The following LRRIQ3 variants were observed in gnomAD, a reference collection of about 807,000 sequenced individuals.
The protein encoded by LRRIQ3 is leucine rich repeats and IQ motif containing 3.
A neutral mutation model predicts 59.3 loss-of-function variants in LRRIQ3; 75 were observed. The observed-to-expected ratio is 1.26, with a 90% CI of 1.05 to 1.53. The LOEUF (loss-of-function observed/expected upper bound fraction) is 1.53, where lower values mean the gene tolerates loss of function less well. Ranked by LOEUF, LRRIQ3 falls within the 40% of genes most tolerant of loss-of-function variation. The pLI, the probability that LRRIQ3 is intolerant of heterozygous loss-of-function variation, is 0.00. For missense variants in LRRIQ3, 831 were observed against 710.0 expected, an observed-to-expected ratio of 1.17 and a Z score of -1.94; for synonymous variants, 250 against 231.3, an observed-to-expected ratio of 1.08 and a Z score of -0.73.
intron 5 of LRRIQ3, among the ~76,000 whole-genome samples, chr1:74,079,094 C>T (rs964871100): frequency 1.3e-5 from 2 of 151,880 alleles, no homozygotes; most frequent in African/African-American, 4.8e-5. Flanking sequence ...TTATTGGACT[C>T]TGCCTTCACC....
At chr1:74,100,640 C>T (rs1646516512) in intron 5 of LRRIQ3, among the ~76,000 whole-genome samples, 1 of 152,154 alleles carries the variant, frequency 6.6e-6, no homozygotes, top group Admixed American at 6.5e-5. Context: ...AGGCATCATG[C>T]TACCTGACTT....
At chr1:74,168,462 T>G (rs976248650) in intron 3 of LRRIQ3, among the ~76,000 whole-genome samples, 1 of 152,120 alleles carries the variant, frequency 6.6e-6, no homozygotes, top group Non-Finnish European at 1.5e-5. Flanking sequence ...ATTTTCAATT[T>G]GCCTATAACA....
intron 7 of LRRIQ3, among the ~76,000 whole-genome samples, chr1:74,030,343 C>T (rs909904511): frequency 7.9e-5 from 12 of 152,110 alleles, no homozygotes; most frequent in African/African-American, 2.9e-4. Context: ...AGGCATCATG[C>T]TACCTGACTT....
intron 6 of LRRIQ3, among the ~76,000 whole-genome samples, chr1:74,060,116 G>T (rs1033905060): frequency 1.3e-5 from 2 of 151,770 alleles, no homozygotes; most frequent in Admixed American, 1.3e-4. Context: ...TTGTGGTAAT[G>T]TCCCCTGTTT....
intron 3 of LRRIQ3, chr1:74,179,928 C>T (rs1056480815): frequency 2.0e-5 from 3 of 151,876 alleles, no homozygotes; most frequent in African/African-American, 7.2e-5. Context: ...AATCAAAACT[C>T]ATTTATCCTC....
chr1:74,095,290 T>C (rs939726269), intron 5 of LRRIQ3, among the ~76,000 whole-genome samples: 1 of 152,144 alleles, frequency 6.6e-6, no homozygotes, highest in Non-Finnish European at 1.5e-5. Context: ...ATGCACTGTC[T>C]ATCTCTTGAT....
At chr1:74,074,623 A>G in intron 6 of LRRIQ3, 38 bp downstream of exon 6, 1 of 957,064 alleles carries the variant, frequency 1.0e-6, no homozygotes. Flanking sequence ...TCATCAAAAT[A>G]TATTTATTAA....
intron 6 of LRRIQ3, among the ~76,000 whole-genome samples, chr1:74,046,143 T>G (rs1020885199): frequency 6.6e-6 from 1 of 152,162 alleles, no homozygotes; most frequent in African/African-American, 2.4e-5. Flanking sequence ...AGAGCCTGCA[T>G]AGCCAAGACA....
At chr1:74,154,243 A>C (rs1391840693) in intron 4 of LRRIQ3, among the ~76,000 whole-genome samples, 2 of 12,396 alleles carry the variant, frequency 1.6e-4, no homozygotes, top group African/African-American at 1.6e-4. Context: ...TCCTTCTCAA[A>C]AAAAAAAAAA....
intron 4 of LRRIQ3, among the ~76,000 whole-genome samples, chr1:74,117,251 T>C (rs1415214385): frequency 1.3e-5 from 2 of 152,130 alleles, no homozygotes; most frequent in Non-Finnish European, 2.9e-5. Flanking sequence ...ATTGGAAATA[T>C]TAACTTTCAA....
intron 4 of LRRIQ3, among the ~76,000 whole-genome samples, chr1:74,139,179 TA>T (rs1647187728): frequency 6.6e-6 from 1 of 150,640 alleles, no homozygotes; most frequent in Non-Finnish European, 1.5e-5. Flanking sequence ...TACATAAATG[TA>T]AAATGTTAGG....
chr1:74,103,247 G>C (rs1646559767), intron 5 of LRRIQ3, among the ~76,000 whole-genome samples: 1 of 151,806 alleles, frequency 6.6e-6, no homozygotes, highest in South Asian at 2.1e-4. Context: ...GATTTTTCTA[G>C]CTCTTCCCCA....
At position 74,041,478 on chromosome 1, in the gene LRRIQ3, G is replaced by T; in HGVS notation, c.1453C>A (p.Gln485Lys). 6.2e-7 allele frequency: 1 copy of T among 1,613,292 alleles called. No homozygotes were observed. The highest frequency in any genetic ancestry group is 8.5e-7 in the Non-Finnish European group (1 of 1,179,776). Residue 485 changes from glutamine (Q) to lysine (K), a missense_variant, in exon 7 of 8, where the codon CAA (glutamine) becomes AAA (lysine). Gln to Lys is a moderately conservative substitution (Grantham distance 53). Coordinates refer to ENST00000354431, the MANE Select transcript of LRRIQ3 (RefSeq NM_001105659.2). Reference protein sequence around the residue: ...NKETIQNSLRQVWQNRFNYLE... With the variant: ...NKETIQNSLRKVWQNRFNYLE... The stretch of plus-strand genomic sequence containing the variant: ...TAGTTGAATCTGTTTTGCCAAACTT[G>T]TCGTAAACTGTTCTGAATTGTCTCT...
chr1:74,062,759 A>G (rs1259453136), intron 6 of LRRIQ3, among the ~76,000 whole-genome samples: 2 of 152,082 alleles, frequency 1.3e-5, no homozygotes, highest in African/African-American at 2.4e-5. Flanking sequence ...ACCACATGAT[A>G]TCACTTATGG....
chr1:74,182,695 C>G lies in LRRIQ3; in HGVS notation c.416G>C (p.Gly139Ala). The change falls in exon 3 of 8, where the codon GGA becomes GCA. Residue 139 changes from glycine to alanine, a missense_variant. Transcript: ENST00000354431. ...ACTGTTAACAAGAACATGTCTATAT[C>G]CTTTTTTAAGGCTTACTGGACAATC... ...MFDCPVSLKKGYRHVLVNSIW... is the reference protein window; with the variant it reads ...MFDCPVSLKKAYRHVLVNSIW... The G allele has an allele frequency of 6.2e-7, 1 of 1,612,578 alleles. No individual in the cohort carries two copies.
chr1:74,059,824 A>C (rs1435524695), intron 6 of LRRIQ3, among the ~76,000 whole-genome samples: 1 of 152,032 alleles, frequency 6.6e-6, no homozygotes, highest in Non-Finnish European at 1.5e-5. Flanking sequence ...CCATTTTAAG[A>C]AAATGAGTGT....
chr1:74,042,286 A>T (rs1654071936), intron 6 of LRRIQ3, among the ~76,000 whole-genome samples: 1 of 152,146 alleles, frequency 6.6e-6, no homozygotes, highest in South Asian at 2.1e-4. Flanking sequence ...AAGTTTAATT[A>T]AGCAAAGAAT....
chr1:74,115,754 T>C (rs1337328972), intron 4 of LRRIQ3, among the ~76,000 whole-genome samples: 28 of 152,070 alleles, frequency 1.8e-4, no homozygotes, highest in Non-Finnish European at 5.9e-5. Context: ...AGTTATGTTA[T>C]ATATTACAGT....
chr1:74,038,237 C>A (rs1369892792), intron 7 of LRRIQ3, among the ~76,000 whole-genome samples: 3 of 152,184 alleles, frequency 2.0e-5, no homozygotes, highest in Non-Finnish European at 4.4e-5. Flanking sequence ...TGACCCATCC[C>A]TCCTCACTGG....
Sources: allele counts gnomAD v4.1 joint callset (sites outside exome capture counted in the v4.1 genomes callset), GRCh38; gene constraint gnomAD v4.1.1; transcripts MANE v1.5; gene names NCBI Gene and HGNC (gene_info 2026-07-23, HGNC 2026-07-21).